Variants in GRID2 observed in about 807,000 individuals in gnomAD.
The protein encoded by GRID2 is glutamate receptor ionotropic, delta-2.
A neutral mutation model predicts 114.8 loss-of-function variants in GRID2; 33 were observed. That is an observed-to-expected ratio of 0.29 (90% CI 0.22 to 0.38). GRID2 has a LOEUF of 0.38. GRID2 is among the 10% of genes least tolerant of loss of function. GRID2 has a pLI of 1.00. For missense variants in GRID2, 1,184 were observed against 1,257.7 expected (o/e 0.94, Z 0.89); for synonymous variants, 505 against 449.9 (o/e 1.12, Z -1.55).
At chr4:92,593,568 G>A (rs138361430) in intron 2 of GRID2, among the ~76,000 whole-genome samples, 32 of 151,856 alleles carry the variant, frequency 2.1e-4, no homozygotes, top group Non-Finnish European at 3.5e-4. Flanking sequence ...GTTATAACAC[G>A]GGGTACACAT....
chr4:92,900,651 A>G (rs1319284385), intron 2 of GRID2, among the ~76,000 whole-genome samples: 1 of 152,122 alleles, frequency 6.6e-6, no homozygotes, highest in African/African-American at 2.4e-5. Context: ...TAACACGGTG[A>G]AACCCTATCT....
chr4:92,422,071 C>G (rs1252140878), intron 1 of GRID2, among the ~76,000 whole-genome samples: 2 of 151,946 alleles, frequency 1.3e-5, no homozygotes, highest in Non-Finnish European at 2.9e-5. Flanking sequence ...TGAGGCTTCC[C>G]TTTTTGAGTA....
At chr4:93,262,489 T>C (rs1391746820) in intron 8 of GRID2, among the ~76,000 whole-genome samples, 1 of 151,992 alleles carries the variant, frequency 6.6e-6, no homozygotes, top group Non-Finnish European at 1.5e-5. Flanking sequence ...AAATATGAAT[T>C]GGATATTTGT....
chr4:93,693,870 TGAG>T, intron 14 of GRID2, among the ~76,000 whole-genome samples: 1 of 152,130 alleles, frequency 6.6e-6, no homozygotes, highest in East Asian at 1.9e-4. Context: ...ATAAGTATGT[TGAG>T]GAGAAAACTA....
At chr4:92,674,768 G>A (rs1448104077) in intron 2 of GRID2, among the ~76,000 whole-genome samples, 2 of 152,044 alleles carry the variant, frequency 1.3e-5, no homozygotes, top group African/African-American at 2.4e-5. Flanking sequence ...TGATCCACCC[G>A]CTTCGGCCTC....
At chr4:93,308,327 T>C (rs1334095963) in intron 8 of GRID2, among the ~76,000 whole-genome samples, 1 of 152,220 alleles carries the variant, frequency 6.6e-6, no homozygotes, top group Non-Finnish European at 1.5e-5. Context: ...TAGCATGACC[T>C]GTGAATCTAT....
At chr4:93,193,966 C>G (rs1156422661) in intron 4 of GRID2, among the ~76,000 whole-genome samples, 1 of 152,144 alleles carries the variant, frequency 6.6e-6, no homozygotes, top group Non-Finnish European at 1.5e-5. Context: ...AAAATAAAAA[C>G]TGACTAAAGG....
chr4:92,421,001 T>C (rs1281721182), intron 1 of GRID2, among the ~76,000 whole-genome samples: 1 of 152,096 alleles, frequency 6.6e-6, no homozygotes, highest in Non-Finnish European at 1.5e-5. Flanking sequence ...CTGAAGTTTT[T>C]TTTAATGTAA....
intron 14 of GRID2, among the ~76,000 whole-genome samples, chr4:93,727,483 G>C (rs1053794775): frequency 6.6e-6 from 1 of 152,186 alleles, no homozygotes; most frequent in Non-Finnish European, 1.5e-5. Context: ...TTTGGTATCA[G>C]GATGATGCTG....
intron 1 of GRID2, among the ~76,000 whole-genome samples, chr4:92,567,208 T>C (rs1727379450): frequency 6.6e-6 from 1 of 152,032 alleles, no homozygotes; most frequent in Non-Finnish European, 1.5e-5. Context: ...TAGCAAGCTT[T>C]CTAATGGTGT....
rs115855131 is a variant in GRID2, at chr4:93,386,047, A to T, written c.1246-9560A>T. 6.1e-3 allele frequency among the ~76,000 whole-genome samples: 910 copies of T among 149,806 alleles called. 8 individuals are homozygous for T. Among genetic ancestry groups the T allele is most frequent in the African/African-American group, 0.021 (859 of 40,988 alleles). ...AAGCAAAACAGAAGGGTTTATTATT[A>T]AAAAAAAAATGTGTTTTCTCAAGGA... On this transcript the variant is annotated intron_variant, in intron 8 of 15. Transcript: ENST00000282020.
At position 92,821,519 on chromosome 4, in the gene GRID2, A is replaced by G. The variant is rs117006886; in HGVS notation, c.244+231233A>G. On this transcript the variant is annotated intron_variant, in intron 2 of 15. Coordinates refer to ENST00000282020, the MANE Select transcript of GRID2 (RefSeq NM_001510.4). The stretch of plus-strand genomic sequence containing the variant: ...TTAAATTTGACCATATTACTAGGTA[A>G]TTGATCTTGATTTCAGTTAATACCC... Among the ~76,000 whole-genome samples the G allele has an allele frequency of 6.6e-5, 10 of 152,234 alleles. No individual in the cohort carries two copies. The East Asian group carries it at 1.5e-3, about 24-fold the overall frequency.
intron 2 of GRID2, among the ~76,000 whole-genome samples, chr4:92,665,813 T>G (rs1045447517): frequency 1.3e-5 from 2 of 151,324 alleles, no homozygotes; most frequent in African/African-American, 4.8e-5. Context: ...GGTTGCATAT[T>G]ATAAATTACT....
chr4:92,989,288 A>T (rs1397849084), intron 2 of GRID2, among the ~76,000 whole-genome samples: 19 of 145,448 alleles, frequency 1.3e-4, no homozygotes, highest in South Asian at 2.2e-4. Context: ...AAAAAAAAAA[A>T]AAAAAAAAAA....
intron 10 of GRID2, among the ~76,000 whole-genome samples, chr4:93,452,352 A>T (rs1012286652): frequency 7.1e-6 from 1 of 140,438 alleles, no homozygotes; most frequent in African/African-American, 3.0e-5. Context: ...CAATATGGGG[A>T]AAAAGAGTTT....
At chr4:92,723,530 CT>C (rs1735912003) in intron 2 of GRID2, among the ~76,000 whole-genome samples, 1 of 152,056 alleles carries the variant, frequency 6.6e-6, no homozygotes, top group Non-Finnish European at 1.5e-5. Flanking sequence ...AGAAATATGT[CT>C]TTTTTCATGA....
At chr4:92,783,905 A>G (rs1335713070) in intron 2 of GRID2, among the ~76,000 whole-genome samples, 2 of 151,988 alleles carry the variant, frequency 1.3e-5, no homozygotes, top group African/African-American at 4.8e-5. Flanking sequence ...AAAAAAGTCT[A>G]TAACTTCAAC....
chr4:93,057,296 G>T (rs1055543214), intron 2 of GRID2, among the ~76,000 whole-genome samples: 1 of 151,812 alleles, frequency 6.6e-6, no homozygotes, highest in Non-Finnish European at 1.5e-5. Context: ...ATATTTCAGT[G>T]TCCCTGTTTC....
chr4:93,139,532 C>G (rs1735566192), intron 4 of GRID2, among the ~76,000 whole-genome samples: 1 of 152,140 alleles, frequency 6.6e-6, no homozygotes, highest in Admixed American at 6.6e-5. Flanking sequence ...GAAACTTCCT[C>G]CTTTGCTTTT....
Sources: gnomAD v4.1 joint callset for allele counts (sites outside exome capture counted in the v4.1 genomes callset) on GRCh38, gnomAD v4.1.1 for gene constraint, MANE v1.5 for transcripts, NCBI Gene and HGNC (gene_info 2026-07-23, HGNC 2026-07-21) for gene names.